The following LRRC37A3 variants were observed in gnomAD, a reference collection of about 807,000 sequenced individuals.
LRRC37A3 encodes the protein leucine-rich repeat-containing protein 37A3.
In LRRC37A3, 25 loss-of-function variants were observed where a neutral mutation model predicts 106.2. The observed-to-expected ratio is 0.24, with a 90% CI of 0.17 to 0.33. The LOEUF is 0.33. Ranked by LOEUF, LRRC37A3 falls within the 10% of genes least tolerant of loss-of-function variation. The probability of loss-of-function intolerance (pLI) is 1.00; values close to 1 mark genes in which losing one functional copy is unlikely to be tolerated. For synonymous variants in LRRC37A3, 305 were observed against 635.8 expected (o/e 0.48, Z 7.83); for missense variants, 712 against 1,644.9 (o/e 0.43, Z 9.81).
chr17:64,917,715 C>T (rs1321281418), intron 2 of LRRC37A3, among the ~76,000 whole-genome samples: 1 of 152,064 alleles, frequency 6.6e-6, no homozygotes, highest in East Asian at 1.9e-4. Flanking sequence ...ACCTGTAATC[C>T]CGGCACTATG....
At position 64,866,933 on chromosome 17, in the gene LRRC37A3, A is replaced by G. The variant is rs185320340; in HGVS notation, c.3053+1529T>C. 6.4e-3 allele frequency among the ~76,000 whole-genome samples: 968 copies of G among 150,374 alleles called. 10 individuals carry two copies. Among genetic ancestry groups the G allele is most frequent in the African/African-American group, 0.023 (930 of 41,080 alleles). On this transcript the variant is annotated intron_variant, in intron 10 of 14. Transcript: ENST00000584306. ...GGAGTCCAAGACCAGCCTGGGGAACATACTGAGACCTCATTTCTACAAAAA... is the reference window on the plus strand; with the variant it reads ...GGAGTCCAAGACCAGCCTGGGGAACGTACTGAGACCTCATTTCTACAAAAA...
chr17:64,855,791 A>T (rs1277162778), intron 14 of LRRC37A3, 49 bp downstream of exon 14: 14 of 1,608,994 alleles, frequency 8.7e-6, no homozygotes, highest in Non-Finnish European at 1.2e-5. Context: ...ACAAGAGGGA[A>T]ACTCCGTCTC....
chr17:64,908,668 T>A (rs2143615719), intron 2 of LRRC37A3, among the ~76,000 whole-genome samples: 1 of 104,648 alleles, frequency 9.6e-6, no homozygotes, highest in Middle Eastern at 3.6e-3. Context: ...TCCCAGCTAC[T>A]CAGGAGGCCG....
intron 2 of LRRC37A3, among the ~76,000 whole-genome samples, chr17:64,909,093 C>A (rs1974526488): frequency 6.6e-6 from 1 of 152,140 alleles, no homozygotes; most frequent in Non-Finnish European, 1.5e-5. Context: ...GCATTTCTAA[C>A]AATTCCCAGG....
At chr17:64,881,953 T>C (rs1434516414) in intron 8 of LRRC37A3, among the ~76,000 whole-genome samples, 3 of 151,168 alleles carry the variant, frequency 2.0e-5, no homozygotes, top group African/African-American at 7.3e-5. Context: ...GAAAGTAAGA[T>C]ACAATGCACA....
chr17:64,916,232 C>T (rs930473446), intron 2 of LRRC37A3, among the ~76,000 whole-genome samples: 2 of 151,780 alleles, frequency 1.3e-5, no homozygotes, highest in Non-Finnish European at 2.9e-5. Flanking sequence ...GGTGAAACCC[C>T]GTCTCTACTA....
In LRRC37A3 at chr17:64,873,081, A is replaced by G. The variant is rs551194149; in HGVS notation, c.2907-3915T>C. On this transcript the variant is annotated intron_variant, in intron 8 of 14. Transcript: ENST00000584306. ...CACATGACATATAATGCGAGACTTTACAGAAGAAGTTCAGAAAAGTCACTA... is the reference window on the plus strand; with the variant it reads ...CACATGACATATAATGCGAGACTTTGCAGAAGAAGTTCAGAAAAGTCACTA... Among the ~76,000 whole-genome samples the G allele has an allele frequency of 8.5e-4, 130 of 152,078 alleles. 1 individual carries two copies. The highest frequency in any genetic ancestry group is 3.0e-3 in the African/African-American group (126 of 41,484).
intron 8 of LRRC37A3, among the ~76,000 whole-genome samples, chr17:64,873,080 T>G: frequency 6.6e-6 from 1 of 151,902 alleles, no homozygotes; most frequent in Non-Finnish European, 1.5e-5. Context: ...TGCGAGACTT[T>G]ACAGAAGAAG....
At chr17:64,861,597 C>T (rs1221111132) in intron 11 of LRRC37A3, among the ~76,000 whole-genome samples, 1 of 152,186 alleles carries the variant, frequency 6.6e-6, no homozygotes, top group African/African-American at 2.4e-5. Flanking sequence ...ACTGTGTCCA[C>T]CCTAGTTCTT....
intron 8 of LRRC37A3, among the ~76,000 whole-genome samples, chr17:64,880,426 G>A (rs1973659446): frequency 6.6e-6 from 1 of 152,232 alleles, no homozygotes; most frequent in South Asian, 2.1e-4. Context: ...TGGGATTAAA[G>A]GCATGAGCCA....
chr17:64,867,848 C>T (rs907196740), intron 10 of LRRC37A3, among the ~76,000 whole-genome samples: 8 of 151,842 alleles, frequency 5.3e-5, no homozygotes, highest in Non-Finnish European at 8.8e-5. Context: ...CTGAGGCAGG[C>T]GGATCACTTG....
rs542486079 is a variant in LRRC37A3, at chr17:64,908,701, C to T, written c.-496+10049G>A. ...CCGAGGCAGGAGAATCACGTGAACC[C>T]GGGAGGCGGAGGTTGCAGTGAGCCA... On this transcript the variant is annotated intron_variant, in intron 2 of 14. Coordinates refer to ENST00000584306, the MANE Select transcript of LRRC37A3 (RefSeq NM_199340.5). 2.0e-4 allele frequency among the ~76,000 whole-genome samples: 23 copies of T among 114,368 alleles called. 1 individual carries two copies. In the South Asian group the frequency reaches 6.1e-3, roughly 30 times the overall value. The allele number at this position is 114,368 out of a possible 152,430, so 75.0% of individuals were successfully genotyped here.
intron 2 of LRRC37A3, among the ~76,000 whole-genome samples, chr17:64,915,641 T>C (rs1207775723): frequency 6.6e-6 from 1 of 152,186 alleles, no homozygotes; most frequent in Non-Finnish European, 1.5e-5. Context: ...AAAGAAAAAA[T>C]GTGGTAAATC....
Position 64,859,499 on chromosome 17 carries a change from C to T in LRRC37A3, c.4647G>A (p.Glu1549=), listed in dbSNP as rs1972795216. Residue 1549 remains glutamate (E), a synonymous_variant, in exon 12 of 15, where the codon GAG becomes GAA. Coordinates refer to ENST00000584306, the MANE Select transcript of LRRC37A3 (RefSeq NM_199340.5). Reference sequence around the variant, plus strand: ...CTTCTGTGCTCTCATTAATGTAGTTCTCAGTCTTCCATTGGTCCGTATCCC... The same window carrying T: ...CTTCTGTGCTCTCATTAATGTAGTTTTCAGTCTTCCATTGGTCCGTATCCC... ...IEWDTDQWKT[E]NYINESTEAQ... The T allele has an allele frequency of 6.2e-7, 1 of 1,611,722 alleles. No individual in the cohort carries two copies. Among genetic ancestry groups the T allele is most frequent in the African/African-American group, 1.4e-5 (1 of 74,070 alleles).
At chr17:64,870,090 T>TC (rs1214969709) in intron 8 of LRRC37A3, among the ~76,000 whole-genome samples, 2 of 145,210 alleles carry the variant, frequency 1.4e-5, no homozygotes, top group Non-Finnish European at 3.0e-5. Flanking sequence ...CACATTTTTT[T>TC]TTTTTTTTTT....
At chr17:64,866,618 ATATATATATATTTTTT>A (rs1185876864) in intron 10 of LRRC37A3, among the ~76,000 whole-genome samples, 3 of 24,806 alleles carry the variant, frequency 1.2e-4, no homozygotes, top group East Asian at 2.8e-3. Flanking sequence ...ATATATATAT[ATATATATATATTTTTT>A]TTTTTTTTTT....
chr17:64,866,628 ATTTTTTTT>A (rs1183521580), intron 10 of LRRC37A3, among the ~76,000 whole-genome samples: 3 of 17,870 alleles, frequency 1.7e-4, no homozygotes, highest in African/African-American at 8.0e-4. Context: ...ATATATATAT[ATTTTTTTT>A]TTTTTTTTTT....
intron 2 of LRRC37A3, among the ~76,000 whole-genome samples, chr17:64,910,637 C>CTTTTTTTTTTTTTTTTTT (rs926231139): frequency 2.1e-5 from 2 of 96,478 alleles, no homozygotes; most frequent in Non-Finnish European, 3.8e-5. Context: ...ATTGTCCCCC[C>CTTTTTTTTTTTTTTTTTT]TTTTTTTTTT....
At chr17:64,857,189 C>G (rs1972706226) in intron 13 of LRRC37A3, among the ~76,000 whole-genome samples, 1 of 152,158 alleles carries the variant, frequency 6.6e-6, no homozygotes, top group Non-Finnish European at 1.5e-5. Context: ...AAGAAATCAG[C>G]ACACAAACCT....
Sources: allele counts gnomAD v4.1 joint callset (sites outside exome capture counted in the v4.1 genomes callset), GRCh38; gene constraint gnomAD v4.1.1; transcripts MANE v1.5; gene names NCBI Gene and HGNC (gene_info 2026-07-23, HGNC 2026-07-21).